SDK1: variants seen among roughly 807,000 people sequenced by gnomAD.
SDK1 encodes sidekick cell adhesion molecule 1.
SDK1 carries 157 observed loss-of-function variants against 245.5 expected under a neutral mutation model. The ratio of observed to expected loss-of-function variants is 0.64; its 90% CI spans 0.56 to 0.73. The LOEUF is 0.73. SDK1 is among the 30% of genes least tolerant of loss of function. The pLI is 0.00. For synonymous variants in SDK1, 1,647 were observed against 1,278.5 expected, an observed-to-expected ratio of 1.29 and a Z score of -6.15; for missense variants, 3,583 against 3,002.3, an observed-to-expected ratio of 1.19 and a Z score of -4.52.
intron 4 of SDK1, among the ~76,000 whole-genome samples, chr7:3,751,432 G>C (rs893950783): frequency 3.2e-5 from 4 of 125,024 alleles, no homozygotes; most frequent in Non-Finnish European, 6.4e-5. Flanking sequence ...CAGAGGACAA[G>C]ATAGAAGAAC....
Position 3,950,939 on chromosome 7 carries a change from T to C in SDK1, c.864T>C (p.Pro288=). 1 of 1,613,802 alleles carries C rather than the reference T, an allele frequency of 6.2e-7. No individual in the cohort carries two copies. Among genetic ancestry groups the C allele is most frequent in the Non-Finnish European group, 8.5e-7 (1 of 1,179,792 alleles). ...CTGCCACAGGAGATGTTGGCACACC[T>C]GAAACCATGGCCCCAACCATTGTGG... ...HLSIARDVGT[P]ETMAPTIVVP... is the part of the protein sequence containing the mutation. Residue 288 remains proline (P), a synonymous_variant, in exon 6 of 45, where the codon CCT becomes CCC. Coordinates refer to ENST00000404826, the MANE Select transcript of SDK1 (RefSeq NM_152744.4).
intron 5 of SDK1, among the ~76,000 whole-genome samples, chr7:3,915,645 A>G (rs373183668): frequency 1.7e-3 from 257 of 152,282 alleles, no homozygotes; most frequent in African/African-American, 5.5e-3. Context: ...TTGCCCAGTC[A>G]TGGGTGTGTC....
chr7:3,467,824 T>C (rs1217387236), intron 1 of SDK1, among the ~76,000 whole-genome samples: 1 of 152,140 alleles, frequency 6.6e-6, no homozygotes, highest in Non-Finnish European at 1.5e-5. Context: ...TTAGTCTTTT[T>C]CCCTTAGCAT....
At chr7:3,846,141 C>G (rs1472597736) in intron 5 of SDK1, among the ~76,000 whole-genome samples, 1 of 152,196 alleles carries the variant, frequency 6.6e-6, no homozygotes, top group Admixed American at 6.5e-5. Flanking sequence ...GACATTCTCT[C>G]TTAATTTCAT....
chr7:3,464,427 G>A (rs963878116), intron 1 of SDK1, among the ~76,000 whole-genome samples: 7 of 152,124 alleles, frequency 4.6e-5, no homozygotes, highest in African/African-American at 1.7e-4. Flanking sequence ...AGACTGAGGT[G>A]GGAGGATCAT....
chr7:3,649,502 G>T (rs1240274092), intron 4 of SDK1, among the ~76,000 whole-genome samples: 1 of 151,782 alleles, frequency 6.6e-6, no homozygotes, highest in Admixed American at 6.6e-5. Context: ...TCACACAAAT[G>T]ACATCATTGA....
intron 5 of SDK1, among the ~76,000 whole-genome samples, chr7:3,888,164 C>T (rs1010277180): frequency 3.3e-5 from 5 of 152,208 alleles, no homozygotes; most frequent in Admixed American, 6.5e-5. Flanking sequence ...GCACCTTCTG[C>T]CTGGCTGGCA....
intron 17 of SDK1, among the ~76,000 whole-genome samples, chr7:4,043,530 A>G (rs554016780): frequency 1.3e-5 from 2 of 152,304 alleles, no homozygotes; most frequent in South Asian, 4.1e-4. Flanking sequence ...CCACATAATG[A>G]GAAGGGAGGG....
intron 1 of SDK1, among the ~76,000 whole-genome samples, chr7:3,318,047 C>G (rs1054591880): frequency 6.6e-6 from 1 of 152,088 alleles, no homozygotes; most frequent in Non-Finnish European, 1.5e-5. Context: ...AGTATTTGTT[C>G]GCTGATATTT....
intron 1 of SDK1, among the ~76,000 whole-genome samples, chr7:3,533,894 T>A (rs1778785111): frequency 6.6e-6 from 1 of 152,166 alleles, no homozygotes; most frequent in Non-Finnish European, 1.5e-5. Context: ...TTAAAAAAAC[T>A]GTTATTTTCT....
intron 13 of SDK1, among the ~76,000 whole-genome samples, chr7:3,985,540 A>G (rs1783756573): frequency 6.6e-6 from 1 of 152,194 alleles, no homozygotes; most frequent in Non-Finnish European, 1.5e-5. Flanking sequence ...TAATCCCAGC[A>G]CTTCGAGAGG....
At position 4,173,564 on chromosome 7, in the gene SDK1, A is replaced by C. The variant is rs545520807; in HGVS notation, c.4801-658A>C. Among the ~76,000 whole-genome samples the C allele has an allele frequency of 8.5e-5, 13 of 152,294 alleles. No homozygotes were observed. In the East Asian group the frequency reaches 2.5e-3, roughly 30 times the overall value. ...TTCCATGGGAGTCTAATGTGTGTCT[A>C]ATGAGCGCCTAGCCATGGCTTGGTA... On this transcript the variant is annotated intron_variant, in intron 32 of 44. Coordinates refer to ENST00000404826, the MANE Select transcript of SDK1 (RefSeq NM_152744.4).
At chr7:3,806,790 G>A (rs1779260657) in intron 4 of SDK1, among the ~76,000 whole-genome samples, 1 of 130,036 alleles carries the variant, frequency 7.7e-6, no homozygotes, top group African/African-American at 3.4e-5. Context: ...TTAACTGGCA[G>A]GTGGTGGAGA....
intron 14 of SDK1, among the ~76,000 whole-genome samples, chr7:3,991,528 C>G (rs535756272): frequency 6.6e-6 from 1 of 152,150 alleles, no homozygotes; most frequent in Admixed American, 6.5e-5. Context: ...TGTGCTGTGA[C>G]ACCAGCACAG....
chr7:3,633,743 G>C (rs999551235), intron 2 of SDK1, among the ~76,000 whole-genome samples: 2 of 152,128 alleles, frequency 1.3e-5, no homozygotes, highest in African/African-American at 4.8e-5. Flanking sequence ...AATTTTGAAG[G>C]GTTCTAAAAC....
At chr7:3,888,169 C>T (rs6959349) in intron 5 of SDK1, among the ~76,000 whole-genome samples, 7,343 of 152,294 alleles carry the variant, frequency 0.048, 571 homozygotes, top group African/African-American at 0.16. Flanking sequence ...TTCTGCCTGG[C>T]TGGCACAGAC....
chr7:3,428,881 T>A (rs559610269), intron 1 of SDK1, among the ~76,000 whole-genome samples: 38 of 152,290 alleles, frequency 2.5e-4, no homozygotes, highest in African/African-American at 8.2e-4. Flanking sequence ...AGAAAACTGG[T>A]CTAAATAGTT....
At chr7:3,384,121 A>G (rs979226368) in intron 1 of SDK1, among the ~76,000 whole-genome samples, 7 of 152,188 alleles carry the variant, frequency 4.6e-5, no homozygotes, top group Non-Finnish European at 8.8e-5. Flanking sequence ...TTTATTTGAA[A>G]TGAAACTTCT....
At chr7:3,641,142 C>A (rs1384205396) in intron 3 of SDK1, among the ~76,000 whole-genome samples, 2 of 152,100 alleles carry the variant, frequency 1.3e-5, no homozygotes, top group Non-Finnish European at 2.9e-5. Context: ...TGTCTTTTGA[C>A]TGAAGAAGAC....
Sources: allele counts gnomAD v4.1 joint callset (sites outside exome capture counted in the v4.1 genomes callset), GRCh38; gene constraint gnomAD v4.1.1; transcripts MANE v1.5; gene names NCBI Gene and HGNC (gene_info 2026-07-23, HGNC 2026-07-21).